Variants in ATRN observed in about 807,000 individuals in gnomAD.
The protein encoded by ATRN is attractin, also known as attractin-2.
ATRN carries 54 observed loss-of-function variants against 178.7 expected under a neutral mutation model. That is an observed-to-expected ratio of 0.30 (90% CI 0.24 to 0.38). The LOEUF (loss-of-function observed/expected upper bound fraction) is 0.38. ATRN is among the 10% of genes least tolerant of loss of function. The pLI, the probability that ATRN is intolerant of heterozygous loss-of-function variation, is 1.00. For missense variants in ATRN, 1,443 were observed against 1,815.1 expected (o/e 0.79, Z 3.73); for synonymous variants, 636 against 663.0 (o/e 0.96, Z 0.63).
intron 27 of ATRN, 74 bp from the exon 28 acceptor site, chr20:3,644,080 C>A: frequency 8.7e-7 from 1 of 1,145,652 alleles, no homozygotes; most frequent in Non-Finnish European, 1.3e-6. Flanking sequence ...CTTATAAGCA[C>A]AAATGACCGT....
intron 2 of ATRN, among the ~76,000 whole-genome samples, chr20:3,539,735 G>GT (rs35368383): frequency 8.4e-4 from 123 of 147,130 alleles, no homozygotes; most frequent in Non-Finnish European, 1.3e-3. Context: ...GCTTAGTTTT[G>GT]TTTTTTTTTT....
rs781039974 is a variant in ATRN at position 3,560,781 on chromosome 20, G to A, written c.1323G>A (p.Gln441=). ...WVLLTPKAKE[Q]YAVVGHSAHI... is the part of the protein sequence containing the mutation. ...TGTTGACCCCTAAGGCAAAGGAGCAGTATGCAGTGGTTGGGCACTCTGCAC... is the reference window on the plus strand; with the variant it reads ...TGTTGACCCCTAAGGCAAAGGAGCAATATGCAGTGGTTGGGCACTCTGCAC... Residue 441 remains glutamine, a synonymous_variant, in exon 8 of 29, where the codon CAG becomes CAA. Coordinates refer to ENST00000262919, the MANE Select transcript of ATRN (RefSeq NM_139321.3). 6.2e-7 allele frequency: 1 copy of A among 1,614,166 alleles called. No individual in the cohort carries two copies. Among genetic ancestry groups the A allele is most frequent in the Non-Finnish European group, 8.5e-7 (1 of 1,180,032 alleles).
intron 2 of ATRN, among the ~76,000 whole-genome samples, 194 bp downstream of exon 2, chr20:3,535,530 A>G (rs746414459): frequency 6.6e-6 from 1 of 151,846 alleles, no homozygotes; most frequent in Non-Finnish European, 1.5e-5. Context: ...TAATGCTGCA[A>G]ATGAATTGTA....
At chr20:3,540,866 G>A (rs1410011768) in intron 3 of ATRN, among the ~76,000 whole-genome samples, 2 of 151,992 alleles carry the variant, frequency 1.3e-5, no homozygotes, top group African/African-American at 2.4e-5. Context: ...GAGAAATGAG[G>A]AACATACTTA....
chr20:3,597,850 C>A, intron 21 of ATRN, 56 bp from the exon 22 acceptor site: 1 of 1,089,606 alleles, frequency 9.2e-7, no homozygotes, highest in Non-Finnish European at 1.4e-6. Flanking sequence ...TCTCTAAAGA[C>A]CTGTTCTATT....
chr20:3,639,076 T>G lies in ATRN; in HGVS notation c.4050+141T>G, dbSNP rs1318321499. 38 of 595,642 alleles carry G rather than the reference T, an allele frequency of 6.4e-5. No individual in the cohort carries two copies. The East Asian group carries it at 1.1e-3, about 16-fold the overall frequency. The allele number at this position is 595,642 out of a possible 1,614,324, so 36.9% of individuals were successfully genotyped here. A position where few individuals can be genotyped will look rare whatever the true frequency, so the allele number is the denominator to read the frequency against. ...TTCTTTTTAACAATAAGCTAAAACC[T>G]GAAGTTGCTGGGTACTCTTTTGCTT... On this transcript the variant is annotated intron_variant, in intron 27 of 28. Coordinates refer to ENST00000262919, the MANE Select transcript of ATRN (RefSeq NM_139321.3).
rs369878761 is a variant in ATRN, at chr20:3,519,020, AG to A, written c.411-16232del. Among the ~76,000 whole-genome samples the A allele has an allele frequency of 9.3e-5, 13 of 140,084 alleles. 1 individual carries two copies. The highest frequency in any genetic ancestry group is 2.1e-4 in the Admixed American group (3 of 14,126). 91.9% of individuals were successfully genotyped at this position (140,084 alleles called of 152,430 possible). A position where few individuals can be genotyped will look rare whatever the true frequency, so the allele number is the denominator to read the frequency against. ...ATCCTTATATATAAAAAAAAAAAAA[AG>A]AAAGAAAACTGTAGGATCTGGTTCT... is the stretch of plus-strand genomic sequence containing the variant. On this transcript the variant is annotated intron_variant, in intron 1 of 28. Coordinates refer to ENST00000262919, the MANE Select transcript of ATRN (RefSeq NM_139321.3).
chr20:3,483,794 A>G (rs1424466360), intron 1 of ATRN, among the ~76,000 whole-genome samples: 1 of 151,358 alleles, frequency 6.6e-6, no homozygotes, highest in Non-Finnish European at 1.5e-5. Context: ...GACACATATT[A>G]TTTTTCAAAA....
intron 1 of ATRN, among the ~76,000 whole-genome samples, chr20:3,515,482 A>C (rs980045036): frequency 6.6e-6 from 1 of 152,164 alleles, no homozygotes; most frequent in Non-Finnish European, 1.5e-5. Context: ...TTTGGGGACC[A>C]AGTGAAAAGG....
At chr20:3,629,237 T>G (rs2086971003) in intron 25 of ATRN, 1 of 985,206 alleles carries the variant, frequency 1.0e-6, no homozygotes, top group Non-Finnish European at 1.2e-6. Flanking sequence ...CCTTTAAAGA[T>G]CATGTATCTA....
intron 6 of ATRN, among the ~76,000 whole-genome samples, chr20:3,555,103 G>A (rs796863693): frequency 2.1e-5 from 3 of 140,882 alleles, no homozygotes; most frequent in Non-Finnish European, 4.5e-5. Context: ...TGGGGTTCAC[G>A]CCATTCTCCT....
At chr20:3,624,371 A>G (rs2086920464) in intron 24 of ATRN, 140 bp from the exon 25 acceptor site, 4 of 744,226 alleles carry the variant, frequency 5.4e-6, no homozygotes, top group East Asian at 2.5e-5. Context: ...GGGGTGAGGT[A>G]CTTTTCCTTA....
rs2087136859 is a variant in ATRN, at chr20:3,650,280, ATCCT to A, written c.*3437_*3440del. The A allele has an allele frequency of 6.6e-6, 1 of 152,626 alleles. No homozygotes were observed. Among genetic ancestry groups the A allele is most frequent in the African/African-American group, 2.4e-5 (1 of 41,448 alleles). 9.5% of individuals were successfully genotyped at this position (152,626 alleles called of 1,614,324 possible). A position where few individuals can be genotyped will look rare whatever the true frequency, so the allele number is the denominator to read the frequency against. Reference sequence around the variant, plus strand: ...GGTGGTGTTTTCATGAACATCTTTGATCCTTCCATTTCATTTATTCATCCATCCA... The same window carrying A: ...GGTGGTGTTTTCATGAACATCTTTGATCCATTTCATTTATTCATCCATCCA... On this transcript the variant is annotated 3_prime_UTR_variant, in exon 29 of 29. Transcript: ENST00000262919.
chr20:3,493,845 C>T (rs2084841280), intron 1 of ATRN, among the ~76,000 whole-genome samples: 1 of 152,032 alleles, frequency 6.6e-6, no homozygotes, highest in South Asian at 2.1e-4. Context: ...GTAAACTTTG[C>T]TCTTAATAAG....
chr20:3,511,214 T>C (rs2085122368), intron 1 of ATRN, among the ~76,000 whole-genome samples: 3 of 152,102 alleles, frequency 2.0e-5, no homozygotes, highest in Admixed American at 2.0e-4. Context: ...AATATGTTCC[T>C]AAAGGGAAGA....
intron 1 of ATRN, among the ~76,000 whole-genome samples, chr20:3,474,130 C>CT (rs1240165805): frequency 6.6e-6 from 1 of 152,146 alleles, no homozygotes; most frequent in Non-Finnish European, 1.5e-5. Flanking sequence ...GGAGCTCTCT[C>CT]TGAGAGTCCA....
chr20:3,646,704 T>TCTCTGTG lies in ATRN; in HGVS notation c.4166-18_4166-12dup. ...AGCCAGCTGCTCCCAGCATATGTTC[T>TCTCTGTG]CTCTGTGGTTCTCCCAAGGTCTTGC... is the stretch of plus-strand genomic sequence containing the variant. On this transcript the variant is annotated intron_variant, in intron 28 of 28. Transcript: ENST00000262919. 6.3e-7 allele frequency: 1 copy of TCTCTGTG among 1,582,910 alleles called. No individual in the cohort carries two copies. The highest frequency in any genetic ancestry group is 1.2e-5 in the South Asian group (1 of 86,686).
rs2087136549 is a variant in ATRN, at chr20:3,650,222, G to T, written c.*3375G>T. Reference sequence around the variant, plus strand: ...CTCCTTTGATTTAATGGGGTGTACTGGGGCCAGGGGCTGATTCACTTCCTT... The same window carrying T: ...CTCCTTTGATTTAATGGGGTGTACTTGGGCCAGGGGCTGATTCACTTCCTT... On this transcript the variant is annotated 3_prime_UTR_variant, in exon 29 of 29. Coordinates refer to ENST00000262919, the MANE Select transcript of ATRN (RefSeq NM_139321.3). The T allele has an allele frequency of 6.5e-6, 1 of 152,672 alleles. No individual in the cohort carries two copies. The highest frequency in any genetic ancestry group is 6.5e-5 in the Admixed American group (1 of 15,284). The allele number at this position is 152,672 out of a possible 1,614,324, so 9.5% of individuals were successfully genotyped here. A position where few individuals can be genotyped will look rare whatever the true frequency, so the allele number is the denominator to read the frequency against.
rs747176871 is a variant in ATRN at position 3,560,883 on chromosome 20, C to T, written c.1425C>T (p.Ser475=). 1.2e-6 allele frequency: 2 copies of T among 1,614,002 alleles called. No individual in the cohort carries two copies. The highest frequency in any genetic ancestry group is 1.7e-6 in the Non-Finnish European group (2 of 1,179,988). ...FGHCPLYGYI[S]NVQEYDLDKN... ...ACTGCCCTCTCTATGGATATATAAGCAATGTGCAGGAATATGATTTGGGTA... is the reference window on the plus strand; with the variant it reads ...ACTGCCCTCTCTATGGATATATAAGTAATGTGCAGGAATATGATTTGGGTA... Residue 475 remains serine, a synonymous_variant, in exon 8 of 29, where the codon AGC becomes AGT. Coordinates refer to ENST00000262919, the MANE Select transcript of ATRN (RefSeq NM_139321.3).
Sources: allele counts gnomAD v4.1 joint callset (sites outside exome capture counted in the v4.1 genomes callset), GRCh38; gene constraint gnomAD v4.1.1; transcripts MANE v1.5; gene names NCBI Gene and HGNC (gene_info 2026-07-23, HGNC 2026-07-21).